The following C8orf34 variants were observed in gnomAD, a reference collection of about 807,000 sequenced individuals.
C8orf34 encodes the protein uncharacterized protein C8orf34.
C8orf34 carries 65 observed loss-of-function variants against 68.3 expected under a neutral mutation model. The observed-to-expected ratio is 0.95, with a 90% CI of 0.78 to 1.17. The LOEUF (loss-of-function observed/expected upper bound fraction) is 1.17. Among genes scored for constraint, C8orf34 ranks in the 50% most tolerant of loss-of-function variants. C8orf34 has a pLI of 0.00. For synonymous variants in C8orf34, 244 were observed against 241.2 expected (o/e 1.01, Z -0.11); for missense variants, 664 against 655.4 (o/e 1.01, Z -0.14).
chr8:68,466,081 G>A (rs911814041), intron 3 of C8orf34, among the ~76,000 whole-genome samples: 2 of 149,720 alleles, frequency 1.3e-5, no homozygotes, highest in East Asian at 1.9e-4. Flanking sequence ...TCAGCAACAC[G>A]GTGAAACTGG....
intron 7 of C8orf34, among the ~76,000 whole-genome samples, chr8:68,541,338 C>T (rs1815693035): frequency 6.6e-6 from 1 of 151,680 alleles, no homozygotes; most frequent in African/African-American, 2.4e-5. Context: ...TGGTGGTGTA[C>T]GTCTGTAGTC....
At chr8:68,338,184 C>G (rs1377618102) in intron 1 of C8orf34, among the ~76,000 whole-genome samples, 1 of 152,162 alleles carries the variant, frequency 6.6e-6, no homozygotes, top group African/African-American at 2.4e-5. Flanking sequence ...AGAAGGCAAG[C>G]TAGCCCAACA....
At chr8:68,729,974 T>C (rs1253029442) in intron 10 of C8orf34, among the ~76,000 whole-genome samples, 4 of 152,154 alleles carry the variant, frequency 2.6e-5, no homozygotes, top group African/African-American at 9.6e-5. Flanking sequence ...AGAGGGCTTG[T>C]GATTTTATGT....
At chr8:68,794,503 ATAT>A (rs1335762838) in intron 12 of C8orf34, among the ~76,000 whole-genome samples, 16 of 78,416 alleles carry the variant, frequency 2.0e-4, no homozygotes, top group African/African-American at 1.1e-3. Context: ...ATATATATAT[ATAT>A]TTTTTTTTTT....
chr8:68,793,195 AAAC>A (rs1585892382), intron 12 of C8orf34, among the ~76,000 whole-genome samples: 1 of 152,182 alleles, frequency 6.6e-6, no homozygotes, highest in South Asian at 2.1e-4. Flanking sequence ...AAAATCTAAA[AAAC>A]AACAAGAAAA....
At chr8:68,708,945 C>T (rs919554337) in intron 8 of C8orf34, 49 bp from the exon 9 acceptor site, 4 of 1,384,116 alleles carry the variant, frequency 2.9e-6, no homozygotes, top group African/African-American at 1.4e-5. Flanking sequence ...GTTCACATTT[C>T]ACAATTTAAC....
chr8:68,562,164 G>A (rs1020948608), intron 7 of C8orf34, among the ~76,000 whole-genome samples: 1 of 152,180 alleles, frequency 6.6e-6, no homozygotes, highest in African/African-American at 2.4e-5. Flanking sequence ...CCACAAACAC[G>A]TGAGTACTGT....
chr8:68,353,620 A>C (rs1424312048), intron 1 of C8orf34, among the ~76,000 whole-genome samples: 1 of 134,020 alleles, frequency 7.5e-6, no homozygotes, highest in African/African-American at 2.7e-5. Flanking sequence ...ATATATATAC[A>C]GTTGATTATA....
chr8:68,667,424 C>T (rs773007610), intron 8 of C8orf34, among the ~76,000 whole-genome samples: 5 of 152,106 alleles, frequency 3.3e-5, no homozygotes, highest in Non-Finnish European at 7.4e-5. Context: ...TAATTATTAT[C>T]TCAGTGGCTA....
At chr8:68,567,828 C>T (rs1268123148) in intron 7 of C8orf34, among the ~76,000 whole-genome samples, 2 of 151,654 alleles carry the variant, frequency 1.3e-5, no homozygotes, top group Non-Finnish European at 2.9e-5. Context: ...CTTGCATTCG[C>T]AACTTGGCTA....
intron 1 of C8orf34, among the ~76,000 whole-genome samples, chr8:68,436,707 C>A (rs888470237): frequency 2.0e-5 from 3 of 152,096 alleles, no homozygotes; most frequent in Non-Finnish European, 4.4e-5. Flanking sequence ...TTCTAGAATA[C>A]TTTTTTCCTA....
At chr8:68,663,148 C>T (rs939784065) in intron 8 of C8orf34, among the ~76,000 whole-genome samples, 2 of 152,174 alleles carry the variant, frequency 1.3e-5, no homozygotes, top group Non-Finnish European at 2.9e-5. Flanking sequence ...ATCTGCATAA[C>T]AAAGCTTATT....
chr8:68,697,853 A>T (rs2130925029), intron 8 of C8orf34, among the ~76,000 whole-genome samples: 1 of 152,166 alleles, frequency 6.6e-6, no homozygotes, highest in Middle Eastern at 3.4e-3. Context: ...CAGATAAATG[A>T]GTTATAAAAT....
At chr8:68,779,124 C>T (rs2129528701) in intron 11 of C8orf34, among the ~76,000 whole-genome samples, 1 of 151,446 alleles carries the variant, frequency 6.6e-6, no homozygotes, top group Non-Finnish European at 1.5e-5. Flanking sequence ...CTGCATTGAG[C>T]TGTGATCTCG....
At chr8:68,528,015 T>C (rs1186778642) in intron 6 of C8orf34, among the ~76,000 whole-genome samples, 1 of 152,180 alleles carries the variant, frequency 6.6e-6, no homozygotes, top group Non-Finnish European at 1.5e-5. Context: ...TGTTCTGAAT[T>C]TCCCAGTGTG....
At chr8:68,469,390 C>T (rs1812283204) in intron 4 of C8orf34, among the ~76,000 whole-genome samples, 1 of 151,926 alleles carries the variant, frequency 6.6e-6, no homozygotes. Flanking sequence ...CTCCATGTGC[C>T]TTGGTCCGCT....
chr8:68,704,529 TA>T (rs1406130070), intron 8 of C8orf34, among the ~76,000 whole-genome samples: 9 of 152,086 alleles, frequency 5.9e-5, no homozygotes, highest in African/African-American at 2.2e-4. Flanking sequence ...AAGGAAGCCA[TA>T]ACTCATCTTG....
chr8:68,706,379 C>T (rs776452307), intron 8 of C8orf34, among the ~76,000 whole-genome samples: 4 of 151,214 alleles, frequency 2.6e-5, no homozygotes, highest in Non-Finnish European at 4.4e-5. Flanking sequence ...TATTTGGTTG[C>T]GTAGAAAGTG....
At chr8:68,388,068 A>G (rs1808331676) in intron 1 of C8orf34, among the ~76,000 whole-genome samples, 1 of 152,074 alleles carries the variant, frequency 6.6e-6, no homozygotes, top group African/African-American at 2.4e-5. Context: ...TTTTCCACTG[A>G]TCTTTTCCAA....
Sources: gnomAD v4.1 joint callset for allele counts (sites outside exome capture counted in the v4.1 genomes callset) on GRCh38, gnomAD v4.1.1 for gene constraint, MANE v1.5 for transcripts, NCBI Gene and HGNC (gene_info 2026-07-23, HGNC 2026-07-21) for gene names.